RHOBTB1: variants seen among roughly 807,000 people sequenced by gnomAD.
The protein encoded by RHOBTB1 is Rho related BTB domain containing 1, also known as rho-related BTB domain-containing protein 1.
A neutral mutation model predicts 71.6 loss-of-function variants in RHOBTB1; 40 were observed. The ratio of observed to expected loss-of-function variants is 0.56; its 90% confidence interval spans 0.43 to 0.73. The LOEUF is 0.73. Ranked by LOEUF, RHOBTB1 falls within the 30% of genes least tolerant of loss-of-function variation. The pLI, the probability that RHOBTB1 is intolerant of heterozygous loss-of-function variation, is 0.00. For missense variants in RHOBTB1, 797 were observed against 894.0 expected, an observed-to-expected ratio of 0.89 and a Z score of 1.38; for synonymous variants, 319 against 334.9, an observed-to-expected ratio of 0.95 and a Z score of 0.52.
intron 2 of RHOBTB1, among the ~76,000 whole-genome samples, chr10:60,955,203 T>C (rs1252724870): frequency 2.6e-5 from 4 of 151,780 alleles, no homozygotes; most frequent in African/African-American, 9.7e-5. Flanking sequence ...CACCACCACT[T>C]CCAGCTAATT....
At chr10:60,993,516 C>A (rs1481843035) in intron 1 of RHOBTB1, among the ~76,000 whole-genome samples, 1 of 151,994 alleles carries the variant, frequency 6.6e-6, no homozygotes, top group Non-Finnish European at 1.5e-5. Flanking sequence ...TTTGCATTGC[C>A]TGCTCAAAAA....
intron 1 of RHOBTB1, among the ~76,000 whole-genome samples, chr10:60,999,614 A>T (rs763449787): frequency 1.8e-4 from 28 of 152,346 alleles, no homozygotes; most frequent in Middle Eastern, 3.4e-3. Flanking sequence ...TCAATAATTA[A>T]TCCAAGTAGG....
chr10:60,864,733 C>A (rs2080629610), downstream of RHOBTB1, among the ~76,000 whole-genome samples: 1 of 152,014 alleles, frequency 6.6e-6, no homozygotes, highest in Non-Finnish European at 1.5e-5. Context: ...CACTCTGTTG[C>A]CCAGGCTGGA....
chr10:60,930,712 T>G (rs935208539), intron 2 of RHOBTB1, among the ~76,000 whole-genome samples: 1 of 152,132 alleles, frequency 6.6e-6, no homozygotes, highest in Non-Finnish European at 1.5e-5. Context: ...AAAAGTCTCT[T>G]TGAAATGTTT....
intron 4 of RHOBTB1, among the ~76,000 whole-genome samples, chr10:60,903,674 GACTATGGGCCCCTGGGTC>G (rs1479766248): frequency 6.7e-5 from 3 of 44,826 alleles, no homozygotes; most frequent in Admixed American, 3.5e-4. Flanking sequence ...CCCTGGGTCA[GACTATGGGCCCCTGGGTC>G]AGACTATGAG....
rs535363296 is a variant in RHOBTB1, at chr10:60,924,519, A to G, written c.-10-12967T>C. Among the ~76,000 whole-genome samples, 12 of 152,312 alleles carry G rather than the reference A, an allele frequency of 7.9e-5. No individual in the cohort carries two copies. The South Asian group carries it at 2.3e-3, about 29-fold the overall frequency. On this transcript the variant is annotated intron_variant, in intron 2 of 10. Coordinates refer to ENST00000337910, the MANE Select transcript of RHOBTB1 (RefSeq NM_014836.5). ...CAAATATTATTAGAGCTAAAGAGAG[A>G]GAGAGAGAGACCCTGATATAGTAAG...
At chr10:60,984,929 T>C (rs974310710) in intron 2 of RHOBTB1, among the ~76,000 whole-genome samples, 30 of 152,206 alleles carry the variant, frequency 2.0e-4, no homozygotes, top group Non-Finnish European at 3.8e-4. Flanking sequence ...AACAAAATGT[T>C]CATATGATTT....
intron 2 of RHOBTB1, among the ~76,000 whole-genome samples, chr10:60,922,200 A>G (rs2083604812): frequency 2.0e-5 from 3 of 152,172 alleles, no homozygotes; most frequent in African/African-American, 7.2e-5. Context: ...CTGGAAAAGA[A>G]AGGAAAAAAG....
intron 2 of RHOBTB1, among the ~76,000 whole-genome samples, chr10:60,916,703 A>G (rs1286276040): frequency 1.3e-5 from 2 of 152,204 alleles, no homozygotes; most frequent in Non-Finnish European, 2.9e-5. Flanking sequence ...GCAGAATAAT[A>G]GCCTCCCTGA....
rs1389326273 is a variant in RHOBTB1, at chr10:60,956,312, A to T, written c.-61-14458T>A. ...ATAGGGCATTTACTAGGAATGGAACATGCAGGACTGGAAGTTGTTCTGGGT... is the reference window on the plus strand; with the variant it reads ...ATAGGGCATTTACTAGGAATGGAACTTGCAGGACTGGAAGTTGTTCTGGGT... On this transcript the variant is annotated intron_variant, in intron 2 of 11. Coordinates refer to the RHOBTB1 transcript ENST00000357917. 2.0e-5 allele frequency among the ~76,000 whole-genome samples: 3 copies of T among 152,202 alleles called. No homozygotes were observed. The South Asian group carries it at 6.2e-4, about 32-fold the overall frequency.
intron 1 of RHOBTB1, among the ~76,000 whole-genome samples, chr10:60,994,835 G>A (rs537357685): frequency 6.6e-6 from 1 of 151,892 alleles, no homozygotes; most frequent in South Asian, 2.1e-4. Context: ...AAATTCTAGG[G>A]CCCAGACACT....
chr10:60,984,325 A>G (rs939501194), intron 2 of RHOBTB1, among the ~76,000 whole-genome samples: 2 of 152,226 alleles, frequency 1.3e-5, no homozygotes, highest in Non-Finnish European at 2.9e-5. Context: ...AACTAAAAAA[A>G]TAACATTTAA....
chr10:60,885,540 G>A (rs932329019), intron 7 of RHOBTB1, among the ~76,000 whole-genome samples: 1 of 152,186 alleles, frequency 6.6e-6, no homozygotes, highest in Admixed American at 6.5e-5. Flanking sequence ...CACAGGCAGA[G>A]TCAGGGCAGA....
At chr10:60,972,716 C>T (rs777578192) in intron 2 of RHOBTB1, among the ~76,000 whole-genome samples, 4 of 151,888 alleles carry the variant, frequency 2.6e-5, no homozygotes, top group Admixed American at 1.3e-4. Flanking sequence ...AAACTAATAA[C>T]CTAATTGTTG....
chr10:60,887,570 A>G (rs1404967142), intron 6 of RHOBTB1, among the ~76,000 whole-genome samples: 2 of 152,250 alleles, frequency 1.3e-5, no homozygotes, highest in South Asian at 4.1e-4. Flanking sequence ...AGCATATGGC[A>G]TAGTTATCAA....
At chr10:60,916,689 G>A (rs150589019) in intron 2 of RHOBTB1, among the ~76,000 whole-genome samples, 114 of 152,224 alleles carry the variant, frequency 7.5e-4, no homozygotes, top group African/African-American at 2.6e-3. Flanking sequence ...TGCATATGTG[G>A]TATGCAGAAT....
Position 60,888,240 on chromosome 10 carries a change from T to C in RHOBTB1, c.1428A>G (p.Lys476=), listed in dbSNP as rs1402541864. The C allele has an allele frequency of 6.2e-7, 1 of 1,613,870 alleles. No homozygotes were observed. Among genetic ancestry groups the C allele is most frequent in the African/African-American group, 1.3e-5 (1 of 74,922 alleles). ...AGAACGTTCCCTTGCTGAGACACTC[T>C]TTTATCCGATTGGCTTTCCTTACGT... is the stretch of plus-strand genomic sequence containing the variant. The part of the protein sequence containing the change: ...AFHVRKANRI[K]ECLSKGTFSD... The change falls in exon 6 of 11, where the codon AAA becomes AAG. Residue 476 remains lysine (K), a synonymous_variant. Transcript: ENST00000337910.
At chr10:60,942,335 A>C (rs773602548) in intron 1 of RHOBTB1, among the ~76,000 whole-genome samples, 26 of 152,340 alleles carry the variant, frequency 1.7e-4, no homozygotes, top group African/African-American at 6.3e-4. Context: ...AAACTGTTAC[A>C]TGTGTTTCTA....
chr10:60,981,263 C>T (rs1012710392), intron 2 of RHOBTB1, among the ~76,000 whole-genome samples: 1 of 152,020 alleles, frequency 6.6e-6, no homozygotes, highest in Admixed American at 6.6e-5. Context: ...AATGCGAGGT[C>T]CCCAGAATTA....
Sources: gnomAD v4.1 joint callset for allele counts (sites outside exome capture counted in the v4.1 genomes callset) on GRCh38, gnomAD v4.1.1 for gene constraint, MANE v1.5 for transcripts, NCBI Gene and HGNC (gene_info 2026-07-23, HGNC 2026-07-21) for gene names.